The following RCOR3 variants were observed in gnomAD, a reference collection of about 807,000 sequenced individuals.
RCOR3 encodes REST corepressor 3.
In RCOR3, 13 loss-of-function variants were observed where a neutral mutation model predicts 64.1. The ratio of observed to expected loss-of-function variants is 0.20; its 90% CI spans 0.13 to 0.32. RCOR3 has a LOEUF of 0.32. RCOR3 is among the 10% of genes least tolerant of loss of function. The pLI is 1.00. For synonymous variants in RCOR3, 215 were observed against 239.0 expected (o/e 0.90, Z 0.93); for missense variants, 489 against 701.2 (o/e 0.70, Z 3.42).
Position 211,312,767 on chromosome 1 carries a change from G to A in RCOR3, c.1123G>A (p.Gly375Ser). 6.2e-7 allele frequency: 1 copy of A among 1,614,184 alleles called. No homozygotes were observed. Among genetic ancestry groups the A allele is most frequent in the Non-Finnish European group, 8.5e-7 (1 of 1,180,040 alleles). Residue 375 changes from glycine to serine, a missense_variant, in exon 11 of 12, where the codon GGC becomes AGC. This residue lies in a region of RCOR3 where 402 missense variants were observed against 617.0 expected (regional missense o/e 0.65). Coordinates refer to ENST00000419091, the MANE Select transcript of RCOR3 (RefSeq NM_001136223.3). The surrounding 1 kb of genome is among the most constrained non-coding windows in gnomAD (Gnocchi z 5.0). ...KDFQAIADVI[G>S]NKTVGQVKNF... ...TTTTCAAGCTATTGCAGATGTAATTGGCAACAAGACTGTTGGCCAAGTGAA... is the reference window on the plus strand; with the variant it reads ...TTTTCAAGCTATTGCAGATGTAATTAGCAACAAGACTGTTGGCCAAGTGAA...
In RCOR3 at chr1:211,312,287, T is replaced by A. The variant is rs965072908; in HGVS notation, c.1076-433T>A. The A allele has an allele frequency of 2.2e-6, 1 of 450,406 alleles. No individual in the cohort carries two copies. Among genetic ancestry groups the A allele is most frequent in the Non-Finnish European group, 4.5e-6 (1 of 222,138 alleles). The allele number at this position is 450,406 out of a possible 1,614,324, so 27.9% of individuals were successfully genotyped here. Reference sequence around the variant, plus strand: ...ACCCTAAGGCTACTCACTCAGTCCATTGAGGGGATAAGAGAGATGGCTCAT... The same window carrying A: ...ACCCTAAGGCTACTCACTCAGTCCAATGAGGGGATAAGAGAGATGGCTCAT... On this transcript the variant is annotated intron_variant, in intron 10 of 11. Coordinates refer to ENST00000419091, the MANE Select transcript of RCOR3 (RefSeq NM_001136223.3). The surrounding 1 kb of genome is among the most constrained non-coding windows in gnomAD (Gnocchi z 5.0).
intron 2 of RCOR3, among the ~76,000 whole-genome samples, chr1:211,262,703 TTGATC>T (rs1449157422): frequency 6.6e-6 from 1 of 152,184 alleles, no homozygotes; most frequent in Non-Finnish European, 1.5e-5. Flanking sequence ...TTGGAAAGCA[TTGATC>T]TGATCATTGG....
intron 9 of RCOR3, among the ~76,000 whole-genome samples, chr1:211,300,993 T>C (rs934703773): frequency 2.6e-5 from 4 of 152,084 alleles, no homozygotes; most frequent in African/African-American, 9.7e-5. Context: ...AAACTAGTGG[T>C]CCACTCCAAT....
chr1:211,311,540 G>C (rs1262128245), intron 10 of RCOR3, among the ~76,000 whole-genome samples: 1 of 152,092 alleles, frequency 6.6e-6, no homozygotes, highest in Non-Finnish European at 1.5e-5. Context: ...GTGCTTTAGG[G>C]TAATTGAGTA....
At chr1:211,291,536 A>G (rs747481995) in intron 8 of RCOR3, 7 of 456,090 alleles carry the variant, frequency 1.5e-5, no homozygotes, top group Admixed American at 1.4e-4. Flanking sequence ...TCAGGCATCC[A>G]CTGGGAGTTT....
Position 211,314,011 on chromosome 1 carries a change from C to A in RCOR3, c.*243C>A. ...AGAGTATATGTTCAGCAATGTTGAT[C>A]TCATAAAAGGAAAAACAAAAGATTT... is the stretch of plus-strand genomic sequence containing the variant. On this transcript the variant is annotated 3_prime_UTR_variant, in exon 12 of 12. Coordinates refer to ENST00000419091, the MANE Select transcript of RCOR3 (RefSeq NM_001136223.3). 1 of 469,808 alleles carries A rather than the reference C, an allele frequency of 2.1e-6. No individual in the cohort carries two copies. The highest frequency in any genetic ancestry group is 3.8e-6 in the Non-Finnish European group (1 of 265,100). 29.1% of individuals were successfully genotyped at this position (469,808 alleles called of 1,614,324 possible).
At chr1:211,285,933 T>G (rs1558076192) in intron 7 of RCOR3, among the ~76,000 whole-genome samples, 1 of 152,232 alleles carries the variant, frequency 6.6e-6, no homozygotes. Context: ...AGGGTCTCTT[T>G]TATTGGCTTC....
rs1426584345 is a variant in RCOR3, at chr1:211,298,951, G to T, written c.1017+3198G>T. Among the ~76,000 whole-genome samples the T allele has an allele frequency of 4.6e-5, 7 of 151,962 alleles. No homozygotes were observed. The East Asian group carries it at 1.4e-3, about 29-fold the overall frequency. On this transcript the variant is annotated intron_variant, in intron 9 of 11. Coordinates refer to ENST00000419091, the MANE Select transcript of RCOR3 (RefSeq NM_001136223.3). ...GAACCCGGGAAGTGGAGCTTGCAGTGAGCTGAGATCGCGCCACTGCACTCC... is the reference window on the plus strand; with the variant it reads ...GAACCCGGGAAGTGGAGCTTGCAGTTAGCTGAGATCGCGCCACTGCACTCC...
chr1:211,276,110 G>T lies in RCOR3; in HGVS notation c.355-147G>T, dbSNP rs1696926190. ...TAAATAAATGAGGTCTGCTACCTGA[G>T]CGCCCCTGATTTAAAGTCCCAAACT... On this transcript the variant is annotated intron_variant, in intron 4 of 11. Coordinates refer to ENST00000419091, the MANE Select transcript of RCOR3 (RefSeq NM_001136223.3). 5 of 662,506 alleles carry T rather than the reference G, an allele frequency of 7.5e-6. No individual in the cohort carries two copies. The South Asian group carries it at 1.2e-4, about 16-fold the overall frequency. 41.0% of individuals were successfully genotyped at this position (662,506 alleles called of 1,614,324 possible).
intron 3 of RCOR3, chr1:211,271,533 T>C (rs1410623816): frequency 9.8e-6 from 6 of 610,672 alleles, no homozygotes; most frequent in African/African-American, 1.8e-5. Context: ...GTCAGGCCCA[T>C]GAAGAATGAA....
rs761819161 is a variant in RCOR3 at position 211,314,927 on chromosome 1, G to A, written c.*1159G>A. 1 of 152,120 alleles carries A rather than the reference G, an allele frequency of 6.6e-6. No individual in the cohort carries two copies. Among genetic ancestry groups the A allele is most frequent in the African/African-American group, 2.4e-5 (1 of 41,432 alleles). The allele number at this position is 152,120 out of a possible 1,614,324, so 9.4% of individuals were successfully genotyped here. A position where few individuals can be genotyped will look rare whatever the true frequency, so the allele number is the denominator to read the frequency against. On this transcript the variant is annotated 3_prime_UTR_variant, in exon 12 of 12. Coordinates refer to ENST00000419091, the MANE Select transcript of RCOR3 (RefSeq NM_001136223.3). ...ATTTCATAAAATAAGAATTTGTTCT[G>A]TGTTATCTAAAGATGTATCAGTATA...
chr1:211,279,879 C>T (rs1246867512), intron 7 of RCOR3, among the ~76,000 whole-genome samples: 1 of 152,132 alleles, frequency 6.6e-6, no homozygotes, highest in Non-Finnish European at 1.5e-5. Context: ...ACCCTGTAAC[C>T]TCATGATGCT....
intron 10 of RCOR3, among the ~76,000 whole-genome samples, chr1:211,311,232 A>G (rs1301799179): frequency 6.6e-6 from 1 of 152,166 alleles, no homozygotes; most frequent in African/African-American, 2.4e-5. Context: ...GGGAGTATAA[A>G]TTCATTTATG....
At position 211,303,043 on chromosome 1, in the gene RCOR3, C is replaced by G. The variant is rs547218218; in HGVS notation, c.1018-1040C>G. ...TCTCTTTTCCTTTTTACTGTTTTTC[C>G]TTTGCCTTATCACCAGGTTCCTAAC... On this transcript the variant is annotated intron_variant, in intron 9 of 11. Coordinates refer to ENST00000419091, the MANE Select transcript of RCOR3 (RefSeq NM_001136223.3). 7 of 151,130 alleles carry G rather than the reference C, an allele frequency of 4.6e-5. No homozygotes were observed. The South Asian group carries it at 1.3e-3, about 27-fold the overall frequency. 9.4% of individuals were successfully genotyped at this position (151,130 alleles called of 1,614,324 possible).
chr1:211,272,515 A>C lies in RCOR3; in HGVS notation c.301+1206A>C, dbSNP rs991707245. ...GTTTTCAACCCTGGGTGTGCATTGG[A>C]ATCACTTGGGGAATTTTTTTTTTTA... is the stretch of plus-strand genomic sequence containing the variant. On this transcript the variant is annotated intron_variant, in intron 3 of 11. Coordinates refer to ENST00000419091, the MANE Select transcript of RCOR3 (RefSeq NM_001136223.3). Among the ~76,000 whole-genome samples the C allele has an allele frequency of 4.0e-5, 6 of 151,362 alleles. No homozygotes were observed. The East Asian group carries it at 1.2e-3, about 30-fold the overall frequency.
At chr1:211,261,418 T>G (rs1413255780) in intron 2 of RCOR3, among the ~76,000 whole-genome samples, 3 of 152,210 alleles carry the variant, frequency 2.0e-5, no homozygotes, top group Non-Finnish European at 2.9e-5. Flanking sequence ...GAGTGTTCAC[T>G]AGATTTGGGT....
Position 211,314,433 on chromosome 1 carries a change from A to G in RCOR3, c.*665A>G, listed in dbSNP as rs1020405360. 18 of 152,248 alleles carry G rather than the reference A, an allele frequency of 1.2e-4. No individual in the cohort carries two copies. The highest frequency in any genetic ancestry group is 9.8e-4 in the Admixed American group (15 of 15,294). The allele number at this position is 152,248 out of a possible 1,614,324, so 9.4% of individuals were successfully genotyped here. ...AAACCACAAAGAATGTACTGAACCT[A>G]CTAACCCTTTAACATACAGTTTAGG... On this transcript the variant is annotated 3_prime_UTR_variant, in exon 12 of 12. Transcript: ENST00000419091.
At chr1:211,260,032 T>A (rs1693941233) in intron 1 of RCOR3, 76 bp from the exon 2 acceptor site, 1 of 1,474,452 alleles carries the variant, frequency 6.8e-7, no homozygotes, top group South Asian at 1.4e-5. Flanking sequence ...GATTTTTATT[T>A]TTTAAGTGTC....
chr1:211,308,663 TTTTTTTTTTG>T (rs1467793574), intron 10 of RCOR3, among the ~76,000 whole-genome samples: 1,822 of 34,804 alleles, frequency 0.052, 30 homozygotes, highest in Non-Finnish European at 0.1. Flanking sequence ...TTGGATGTGT[TTTTTTTTTTG>T]TTTTTTTTTT....
Sources: allele counts gnomAD v4.1 joint callset (sites outside exome capture counted in the v4.1 genomes callset), GRCh38; gene constraint gnomAD v4.1.1; regional missense constraint gnomAD v4.1.1; non-coding constraint Gnocchi (gnomAD v3.1); transcripts MANE v1.5; gene names NCBI Gene and HGNC (gene_info 2026-07-23, HGNC 2026-07-21).